Variants in MBD5 observed in about 807,000 individuals in gnomAD.
The protein encoded by MBD5 is methyl-CpG-binding domain protein 5.
Under a neutral mutation model 117.3 loss-of-function variants are expected in MBD5, and 13 were observed. The ratio of observed to expected loss-of-function variants is 0.11; its 90% CI spans 0.07 to 0.18. The LOEUF (loss-of-function observed/expected upper bound fraction) is 0.18. MBD5 is among the 10% of genes least tolerant of loss of function. The pLI is 1.00. For missense variants in MBD5, 1,879 were observed against 2,093.8 expected, an observed-to-expected ratio of 0.90 and a Z score of 2.00; for synonymous variants, 727 against 766.4, an observed-to-expected ratio of 0.95 and a Z score of 0.85.
chr2:148,162,831 G>A (rs1157013772), intron 1 of MBD5, among the ~76,000 whole-genome samples: 1 of 152,054 alleles, frequency 6.6e-6, no homozygotes, highest in African/African-American at 2.4e-5. Flanking sequence ...TTAATGTTTA[G>A]GGGCACCTAA....
At chr2:148,022,166 T>C (rs1693767827) in intron 1 of MBD5, among the ~76,000 whole-genome samples, 1 of 152,202 alleles carries the variant, frequency 6.6e-6, no homozygotes, top group Non-Finnish European at 1.5e-5. Flanking sequence ...CTGAGTGTTT[T>C]CCCCTTTTTG....
chr2:148,342,560 A>G (rs1231675782), intron 4 of MBD5, among the ~76,000 whole-genome samples: 2 of 151,990 alleles, frequency 1.3e-5, no homozygotes, highest in African/African-American at 4.8e-5. Flanking sequence ...ACAGAAAAAT[A>G]TAGTTATCCT....
chr2:148,482,461 A>G (rs1219578988), intron 8 of MBD5, among the ~76,000 whole-genome samples: 1 of 152,040 alleles, frequency 6.6e-6, no homozygotes, highest in African/African-American at 2.4e-5. Flanking sequence ...GCATGATTCT[A>G]TTTTTAAAAA....
intron 4 of MBD5, among the ~76,000 whole-genome samples, chr2:148,423,854 A>G (rs1295744021): frequency 6.6e-6 from 1 of 152,082 alleles, no homozygotes; most frequent in Non-Finnish European, 1.5e-5. Context: ...GGATAAAGTA[A>G]TATTTACCAA....
intron 8 of MBD5, chr2:148,481,803 G>A (rs1360681128): frequency 6.6e-6 from 1 of 151,914 alleles, no homozygotes; most frequent in Admixed American, 6.6e-5. Context: ...GTATTGGTTT[G>A]TTTTTGTTTT....
chr2:148,257,698 G>T (rs747930366), intron 3 of MBD5, among the ~76,000 whole-genome samples: 1 of 152,160 alleles, frequency 6.6e-6, no homozygotes, highest in African/African-American at 2.4e-5. Flanking sequence ...AGCTAAATCC[G>T]TGGCAACTAG....
chr2:148,312,716 T>C (rs1239815635), intron 3 of MBD5, among the ~76,000 whole-genome samples: 3 of 152,180 alleles, frequency 2.0e-5, no homozygotes, highest in Admixed American at 6.5e-5. Flanking sequence ...TGTGATCCTA[T>C]GGAGGAGAAG....
intron 4 of MBD5, among the ~76,000 whole-genome samples, chr2:148,453,758 C>T (rs967332218): frequency 3.3e-5 from 5 of 151,856 alleles, no homozygotes; most frequent in African/African-American, 1.2e-4. Context: ...AACCTGACTA[C>T]ATCTTGGATG....
intron 4 of MBD5, among the ~76,000 whole-genome samples, chr2:148,399,079 G>C (rs1463635222): frequency 6.6e-6 from 1 of 152,176 alleles, no homozygotes; most frequent in Non-Finnish European, 1.5e-5. Context: ...TTTGAAGTCA[G>C]GTAGAGTGAT....
At chr2:148,063,659 TA>T (rs1695101780) in intron 1 of MBD5, among the ~76,000 whole-genome samples, 1 of 152,160 alleles carries the variant, frequency 6.6e-6, no homozygotes, top group Non-Finnish European at 1.5e-5. Context: ...CTCACTTATT[TA>T]TTTTTTTAAG....
intron 3 of MBD5, chr2:148,330,516 C>G (rs1702617627): frequency 6.6e-6 from 1 of 152,190 alleles, no homozygotes; most frequent in Non-Finnish European, 1.5e-5. Context: ...ATATGACCTA[C>G]TCAAATGTAA....
At chr2:148,121,895 T>C (rs1424457757) in intron 1 of MBD5, among the ~76,000 whole-genome samples, 4 of 152,156 alleles carry the variant, frequency 2.6e-5, no homozygotes, top group Non-Finnish European at 5.9e-5. Flanking sequence ...ACAGATATTA[T>C]ATTTTCTTAT....
intron 1 of MBD5, chr2:148,056,045 C>CT (rs1281672281): frequency 6.6e-6 from 1 of 152,110 alleles, no homozygotes; most frequent in African/African-American, 2.4e-5. Context: ...TGGAATACCT[C>CT]TCCTTATATT....
chr2:148,227,105 C>G (rs1699849369), intron 2 of MBD5, among the ~76,000 whole-genome samples: 1 of 152,198 alleles, frequency 6.6e-6, no homozygotes, highest in African/African-American at 2.4e-5. Flanking sequence ...TGTGCAGAAG[C>G]TCTTTAGTTT....
chr2:148,214,858 C>T (rs1166714415), intron 2 of MBD5, among the ~76,000 whole-genome samples: 1 of 152,066 alleles, frequency 6.6e-6, no homozygotes, highest in Non-Finnish European at 1.5e-5. Context: ...CTCTAAGGCT[C>T]CATTTTCTCA....
intron 3 of MBD5, among the ~76,000 whole-genome samples, chr2:148,248,764 G>A (rs899461940): frequency 2.6e-5 from 4 of 152,098 alleles, no homozygotes; most frequent in African/African-American, 9.7e-5. Flanking sequence ...GATTAGTAGA[G>A]TGTGATACTG....
At chr2:148,243,997 T>C (rs1180694145) in intron 3 of MBD5, 1 of 151,206 alleles carries the variant, frequency 6.6e-6, no homozygotes, top group Non-Finnish European at 1.5e-5. Flanking sequence ...TGGAACATAG[T>C]AGGTGTTCAA....
chr2:148,131,955 A>C (rs1041463989), intron 1 of MBD5, among the ~76,000 whole-genome samples: 1 of 152,136 alleles, frequency 6.6e-6, no homozygotes, highest in Admixed American at 6.5e-5. Context: ...ACTAATAACT[A>C]CTTTGCATAT....
At chr2:148,353,743 G>A (rs1703302955) in intron 4 of MBD5, among the ~76,000 whole-genome samples, 1 of 151,780 alleles carries the variant, frequency 6.6e-6, no homozygotes, top group African/African-American at 2.4e-5. Context: ...AGCAGGTACA[G>A]CTAATTTTTG....
Sources: allele counts gnomAD v4.1 joint callset (sites outside exome capture counted in the v4.1 genomes callset), GRCh38; gene constraint gnomAD v4.1.1; transcripts MANE v1.5; gene names NCBI Gene and HGNC (gene_info 2026-07-23, HGNC 2026-07-21).